FAM91A1: variants seen among roughly 807,000 people sequenced by gnomAD.
FAM91A1 encodes family with sequence similarity 91 member A1, also known as protein FAM91A1.
In FAM91A1, 41 loss-of-function variants were observed where a neutral mutation model predicts 113.5. The ratio of observed to expected loss-of-function variants is 0.36; its 90% CI spans 0.28 to 0.47. The LOEUF is 0.47. FAM91A1 is among the 20% of genes least tolerant of loss of function. The probability of loss-of-function intolerance (pLI) is 1.00; values close to 1 mark genes in which losing one functional copy is unlikely to be tolerated. For synonymous variants in FAM91A1, 307 were observed against 347.9 expected (o/e 0.88, Z 1.31); for missense variants, 696 against 1,001.2 (o/e 0.70, Z 4.11).
At chr8:123,812,396 C>CGA in intron 23 of FAM91A1, 123 bp from the exon 24 acceptor site, 1 of 626,940 alleles carries the variant, frequency 1.6e-6, no homozygotes. Flanking sequence ...CTTTGCATCT[C>CGA]CTGTACTGCT....
At chr8:123,808,656 T>G (rs944593934) in intron 21 of FAM91A1, 11 of 503,400 alleles carry the variant, frequency 2.2e-5, no homozygotes, top group Non-Finnish European at 3.8e-5. Flanking sequence ...ACTTTGAACA[T>G]TGGATGAAAG....
At chr8:123,787,199 C>A in intron 12 of FAM91A1, 62 bp from the exon 13 acceptor site, 1 of 1,269,208 alleles carries the variant, frequency 7.9e-7, no homozygotes, top group Non-Finnish European at 1.1e-6. Flanking sequence ...AATACTTTCA[C>A]TCCAAATGGT....
Position 123,780,031 on chromosome 8 carries a change from C to A in FAM91A1, c.596C>A (p.Ser199Ter). The change falls in exon 7 of 24, where the codon TCA becomes TAA. Residue 199 changes from serine to a stop codon, truncating the protein, a stop_gained. Transcript: ENST00000334705. LOFTEE classifies it high-confidence loss of function. ...TGCGCTGTTGATAAGATCATCGATT[C>A]AGGCCCTCAACTCTCTGGATCACTA... The part of the protein sequence containing the change: ...EKCAVDKIID[S>*]GPQLSGSLDY... 6.2e-7 allele frequency: 1 copy of A among 1,613,582 alleles called. No individual in the cohort carries two copies. The highest frequency in any genetic ancestry group is 8.5e-7 in the Non-Finnish European group (1 of 1,179,680).
intron 14 of FAM91A1, among the ~76,000 whole-genome samples, chr8:123,789,288 T>C (rs1815327033): frequency 6.6e-6 from 1 of 152,194 alleles, no homozygotes; most frequent in Non-Finnish European, 1.5e-5. Flanking sequence ...TTGGAGTACT[T>C]TCCTAGATGG....
intron 20 of FAM91A1, 89 bp from the exon 21 acceptor site, chr8:123,808,183 C>G (rs751318453): frequency 6.9e-5 from 70 of 1,009,116 alleles, no homozygotes; most frequent in Non-Finnish European, 9.0e-5. Flanking sequence ...TTACTATTGT[C>G]TGAAGTCTTT....
intron 8 of FAM91A1, among the ~76,000 whole-genome samples, chr8:123,784,096 C>G (rs969850967): frequency 1.3e-5 from 2 of 152,212 alleles, no homozygotes; most frequent in Admixed American, 6.5e-5. Flanking sequence ...GGCCCACTCA[C>G]CCCTGCTGCC....
At chr8:123,789,875 C>G in intron 15 of FAM91A1, 130 bp downstream of exon 15, 1 of 1,065,508 alleles carries the variant, frequency 9.4e-7, no homozygotes, top group Non-Finnish European at 1.3e-6. Context: ...GAATTTATAA[C>G]TAGAGGCCTG....
intron 1 of FAM91A1, among the ~76,000 whole-genome samples, chr8:123,769,731 A>C (rs539799987): frequency 1.4e-3 from 215 of 152,354 alleles, no homozygotes; most frequent in Non-Finnish European, 2.7e-3. Context: ...AAACAAATAA[A>C]TGAATAAATA....
intron 18 of FAM91A1, among the ~76,000 whole-genome samples, chr8:123,801,890 GAATA>G (rs1815691516): frequency 6.6e-6 from 1 of 152,028 alleles, no homozygotes; most frequent in Non-Finnish European, 1.5e-5. Flanking sequence ...AGTGTTTGTG[GAATA>G]AATAAATAAG....
intron 18 of FAM91A1, among the ~76,000 whole-genome samples, chr8:123,801,559 C>A (rs866980236): frequency 6.6e-6 from 1 of 152,200 alleles, no homozygotes; most frequent in Non-Finnish European, 1.5e-5. Flanking sequence ...TAAGACAGGG[C>A]CCCTCATCTT....
intron 3 of FAM91A1, 102 bp from the exon 4 acceptor site, chr8:123,777,163 C>T: frequency 2.4e-6 from 2 of 816,578 alleles, no homozygotes; most frequent in South Asian, 1.9e-5. Context: ...TTACTGCTTC[C>T]TGTAATAATC....
At chr8:123,774,010 T>C in intron 1 of FAM91A1, 70 bp from the exon 2 acceptor site, 1 of 1,209,232 alleles carries the variant, frequency 8.3e-7, no homozygotes, top group Non-Finnish European at 1.2e-6. Context: ...TTTTAAAGTG[T>C]GTTATGGGAA....
chr8:123,769,105 A>G (rs942402981), intron 1 of FAM91A1, among the ~76,000 whole-genome samples: 2 of 152,190 alleles, frequency 1.3e-5, no homozygotes, highest in African/African-American at 4.8e-5. Flanking sequence ...ATGGTGGGAA[A>G]GGGATGGGAA....
intron 1 of FAM91A1, among the ~76,000 whole-genome samples, chr8:123,769,179 G>A (rs1483994744): frequency 1.3e-5 from 2 of 152,224 alleles, no homozygotes; most frequent in Non-Finnish European, 2.9e-5. Flanking sequence ...ATATGTGAGA[G>A]CAGAGGGAGG....
intron 15 of FAM91A1, among the ~76,000 whole-genome samples, chr8:123,797,076 A>T (rs1451065654): frequency 6.6e-6 from 1 of 151,974 alleles, no homozygotes; most frequent in African/African-American, 2.4e-5. Context: ...ATAAATAAAT[A>T]AAAAAAGATA....
chr8:123,799,338 A>G (rs1281412263), intron 16 of FAM91A1, among the ~76,000 whole-genome samples, 182 bp from the exon 17 acceptor site: 1 of 152,244 alleles, frequency 6.6e-6, no homozygotes, highest in African/African-American at 2.4e-5. Flanking sequence ...TTGCAGTGAC[A>G]AGACATAATT....
Position 123,776,495 on chromosome 8 carries a change from A to C in FAM91A1, c.310-770A>C, listed in dbSNP as rs138370115. ...ATACTGGAGGAAAGCGAGAGGCCCGATAGCCCAGGTAGCATAGTGAAGAAC... is the reference window on the plus strand; with the variant it reads ...ATACTGGAGGAAAGCGAGAGGCCCGCTAGCCCAGGTAGCATAGTGAAGAAC... On this transcript the variant is annotated intron_variant, in intron 3 of 23. Coordinates refer to ENST00000334705, the MANE Select transcript of FAM91A1 (RefSeq NM_144963.4). 8.7e-3 allele frequency among the ~76,000 whole-genome samples: 1,332 copies of C among 152,328 alleles called. 12 individuals carry two copies. Among genetic ancestry groups the C allele is most frequent in the Middle Eastern group, 0.027 (8 of 292 alleles).
chr8:123,788,186 C>A (rs1464303027), intron 14 of FAM91A1: 2 of 985,068 alleles, frequency 2.0e-6, no homozygotes. Context: ...TGTCCGCTCT[C>A]ACTATCCCTT....
chr8:123,772,744 C>G (rs1234870543), intron 1 of FAM91A1, among the ~76,000 whole-genome samples: 1 of 152,144 alleles, frequency 6.6e-6, no homozygotes, highest in Non-Finnish European at 1.5e-5. Context: ...AAGTTAACTA[C>G]TAATAGCCTA....
Sources: allele counts gnomAD v4.1 joint callset (sites outside exome capture counted in the v4.1 genomes callset), GRCh38; gene constraint gnomAD v4.1.1; transcripts MANE v1.5; gene names NCBI Gene and HGNC (gene_info 2026-07-23, HGNC 2026-07-21).